Variants in TRPM6 observed in about 807,000 individuals in gnomAD.
The protein encoded by TRPM6 is channel kinase 2.
A neutral mutation model predicts 247.6 loss-of-function variants in TRPM6; 111 were observed. The ratio of observed to expected loss-of-function variants is 0.45; its 90% CI spans 0.38 to 0.52. TRPM6 has a LOEUF of 0.52. Ranked by LOEUF, TRPM6 falls within the 20% of genes least tolerant of loss-of-function variation. The pLI is 0.00. For missense variants in TRPM6, 2,126 were observed against 2,421.5 expected, an observed-to-expected ratio of 0.88 and a Z score of 2.56; for synonymous variants, 892 against 853.8, an observed-to-expected ratio of 1.04 and a Z score of -0.78.
chr9:74,848,995 CA>C (rs1346801311), intron 3 of TRPM6, among the ~76,000 whole-genome samples: 1 of 152,132 alleles, frequency 6.6e-6, no homozygotes, highest in Non-Finnish European at 1.5e-5. Context: ...TGTTTTCTGA[CA>C]AAATTCATAT....
intron 14 of TRPM6, among the ~76,000 whole-genome samples, chr9:74,805,051 T>C (rs1453609087): frequency 6.6e-6 from 1 of 152,210 alleles, no homozygotes; most frequent in Non-Finnish European, 1.5e-5. Flanking sequence ...TAAATGATCA[T>C]TGCAACTGAG....
rs371974704 is a variant in TRPM6, at chr9:74,792,610, G to A, written c.2538+14C>T. On this transcript the variant is annotated intron_variant, in intron 19 of 38. Transcript: ENST00000360774. ...CATCATTAATCCGACATATATTGTTGCAATGAGACCAACCGTATAAAACCA... is the reference window on the plus strand; with the variant it reads ...CATCATTAATCCGACATATATTGTTACAATGAGACCAACCGTATAAAACCA... The A allele has an allele frequency of 6.2e-7, 1 of 1,612,464 alleles. No homozygotes were observed. The highest frequency in any genetic ancestry group is 1.3e-5 in the African/African-American group (1 of 74,794).
At chr9:74,757,769 C>G (rs772426302) in intron 27 of TRPM6, among the ~76,000 whole-genome samples, 1 of 151,560 alleles carries the variant, frequency 6.6e-6, no homozygotes, top group Admixed American at 6.6e-5. Flanking sequence ...AAAAATTAGC[C>G]AGGCATGGTG....
chr9:74,756,681 C>CAA (rs1217543421), intron 27 of TRPM6, among the ~76,000 whole-genome samples: 1,593 of 51,682 alleles, frequency 0.031, 89 homozygotes, highest in African/African-American at 0.093. Context: ...CCCGTCTCTA[C>CAA]AAAAAAAAAA....
At chr9:74,756,121 A>G (rs889876264) in intron 27 of TRPM6, among the ~76,000 whole-genome samples, 4 of 152,246 alleles carry the variant, frequency 2.6e-5, no homozygotes, top group Non-Finnish European at 5.9e-5. Flanking sequence ...TGCAATTTCT[A>G]GTTGAACTCT....
At chr9:74,887,295 C>T in intron 1 of TRPM6, 2 of 1,364,356 alleles carry the variant, frequency 1.5e-6, no homozygotes, top group Non-Finnish European at 1.9e-6. Context: ...CGGGGACGCG[C>T]AGGGGCGCGG....
chr9:74,821,041 T>C (rs549095205), intron 8 of TRPM6, among the ~76,000 whole-genome samples: 73 of 152,286 alleles, frequency 4.8e-4, no homozygotes, highest in Non-Finnish European at 9.0e-4. Context: ...CAGAGAGCTG[T>C]TACAGTATAA....
Position 74,782,668 on chromosome 9 carries a change from C to T in TRPM6, c.3094+11G>A. 1 of 1,613,848 alleles carries T rather than the reference C, an allele frequency of 6.2e-7. No homozygotes were observed. Among genetic ancestry groups the T allele is most frequent in the South Asian group, 1.1e-5 (1 of 91,068 alleles). On this transcript the variant is annotated intron_variant, in intron 22 of 38. Coordinates refer to ENST00000360774, the MANE Select transcript of TRPM6 (RefSeq NM_017662.5). ...CACAATTTCTGCATGACGGTAAAAT[C>T]CCATACACACCATCTATTTCTCCAG...
At chr9:74,834,227 T>C in intron 5 of TRPM6, 105 bp from the exon 6 acceptor site, 5 of 1,386,750 alleles carry the variant, frequency 3.6e-6, no homozygotes, top group Non-Finnish European at 4.1e-6. Flanking sequence ...GCAAGGGCTA[T>C]TCTTAGGGAG....
rs1564002755 is a variant in TRPM6, at chr9:74,762,833, A to T, written c.3838T>A (p.Ser1280Thr). The T allele has an allele frequency of 6.2e-7, 1 of 1,614,100 alleles. No homozygotes were observed. The highest frequency in any genetic ancestry group is 8.5e-7 in the Non-Finnish European group (1 of 1,180,004). ...EKKYQYYSMP[S>T]SLLRSLAGGR... ...CCAGCCAGGCTCCTCAGCAAAGAAGAGGGCATGCTATAATACTGGTATTTC... is the reference window on the plus strand; with the variant it reads ...CCAGCCAGGCTCCTCAGCAAAGAAGTGGGCATGCTATAATACTGGTATTTC... The change falls in exon 26 of 39, where the codon TCT becomes ACT. Residue 1280 changes from serine (S) to threonine (T), a missense_variant. Coordinates refer to ENST00000360774, the MANE Select transcript of TRPM6 (RefSeq NM_017662.5).
In TRPM6 at chr9:74,799,118, T is replaced by C. The variant is rs1462801802; in HGVS notation, c.2238+1136A>G. Among the ~76,000 whole-genome samples, 5 of 152,326 alleles carry C rather than the reference T, an allele frequency of 3.3e-5. No individual in the cohort carries two copies. The South Asian group carries it at 1.0e-3, about 32-fold the overall frequency. The stretch of plus-strand genomic sequence containing the variant: ...GGAGAACTTCTGAAAACAATTATTG[T>C]TTCTGATATTTTCTTTAAAAGGATT... On this transcript the variant is annotated intron_variant, in intron 17 of 38. Coordinates refer to ENST00000360774, the MANE Select transcript of TRPM6 (RefSeq NM_017662.5).
At chr9:74,810,709 CA>C in intron 13 of TRPM6, 105 bp downstream of exon 13, 1 of 991,198 alleles carries the variant, frequency 1.0e-6, no homozygotes, top group Non-Finnish European at 1.6e-6. Context: ...AGGTAATTAA[CA>C]AAACAATCCA....
intron 3 of TRPM6, among the ~76,000 whole-genome samples, chr9:74,845,284 A>G (rs1304606782): frequency 1.3e-5 from 2 of 152,238 alleles, no homozygotes; most frequent in Non-Finnish European, 2.9e-5. Flanking sequence ...TCAGTAAAGC[A>G]CAATAAAGTA....
At chr9:74,803,999 A>G in intron 14 of TRPM6, 113 bp from the exon 15 acceptor site, 1 of 760,536 alleles carries the variant, frequency 1.3e-6, no homozygotes, top group Admixed American at 1.9e-5. Flanking sequence ...ATTTCTAGAC[A>G]ATAATGAAAA....
intron 1 of TRPM6, among the ~76,000 whole-genome samples, chr9:74,884,500 CATAT>C (rs1261510381): frequency 2.6e-5 from 3 of 116,802 alleles, no homozygotes; most frequent in Non-Finnish European, 3.6e-5. Context: ...AAAATAAATA[CATAT>C]ATACATACAT....
At chr9:74,753,805 A>G (rs1344801869) in intron 28 of TRPM6, among the ~76,000 whole-genome samples, 2 of 152,140 alleles carry the variant, frequency 1.3e-5, no homozygotes, top group East Asian at 1.9e-4. Context: ...ACACGTTTCA[A>G]AAAAACAAGC....
chr9:74,747,375 G>A (rs1388806885), intron 31 of TRPM6, among the ~76,000 whole-genome samples: 1 of 152,132 alleles, frequency 6.6e-6, no homozygotes, highest in Non-Finnish European at 1.5e-5. Context: ...GAAGATGAAG[G>A]TGCCTTTACA....
At chr9:74,758,233 C>T (rs1016122494) in intron 27 of TRPM6, among the ~76,000 whole-genome samples, 1 of 152,044 alleles carries the variant, frequency 6.6e-6, no homozygotes, top group African/African-American at 2.4e-5. Context: ...CTTACAAATT[C>T]ACCCAGAAAA....
intron 20 of TRPM6, among the ~76,000 whole-genome samples, chr9:74,787,794 C>A (rs539515268): frequency 6.6e-4 from 101 of 152,336 alleles, no homozygotes; most frequent in African/African-American, 2.0e-3. Context: ...TGGCTCACTG[C>A]AACCTCCACC....
Sources: allele counts gnomAD v4.1 joint callset (sites outside exome capture counted in the v4.1 genomes callset), GRCh38; gene constraint gnomAD v4.1.1; transcripts MANE v1.5; gene names NCBI Gene and HGNC (gene_info 2026-07-23, HGNC 2026-07-21).